The following COPS9 variants were observed in gnomAD, a reference collection of about 807,000 sequenced individuals.
COPS9 encodes COP9 signalosome subunit 9.
In COPS9, 8 loss-of-function variants were observed where a neutral mutation model predicts 7.2. That is an observed-to-expected ratio of 1.11 (90% CI 0.65 to 2.00). The LOEUF is 2.00. COPS9 is among the 30% of genes most tolerant of loss of function. The pLI is 0.00. For missense variants in COPS9, 74 were observed against 77.7 expected, an observed-to-expected ratio of 0.95 and a Z score of 0.18; for synonymous variants, 39 against 28.7, an observed-to-expected ratio of 1.36 and a Z score of -1.14.
downstream of COPS9, among the ~76,000 whole-genome samples, chr2:240,128,547 GC>G (rs1425026356): frequency 6.6e-6 from 1 of 152,186 alleles, no homozygotes; most frequent in Non-Finnish European, 1.5e-5. Context: ...TATCTGGCCG[GC>G]AGCTGAGCCT....
At chr2:240,133,084 A>C (rs1245052775) in intron 2 of COPS9, among the ~76,000 whole-genome samples, 2 of 152,242 alleles carry the variant, frequency 1.3e-5, no homozygotes, top group Non-Finnish European at 2.9e-5. Flanking sequence ...GCAGGGACTC[A>C]GGATGGCAGG....
chr2:240,129,368 G>A (rs1387877731), downstream of COPS9, among the ~76,000 whole-genome samples: 2 of 152,150 alleles, frequency 1.3e-5, no homozygotes, highest in Non-Finnish European at 2.9e-5. Context: ...GTCTCGTTCT[G>A]TTGCCCAGGT....
chr2:240,135,788 T>C, intron 1 of COPS9: 1 of 173,592 alleles, frequency 5.8e-6, no homozygotes, highest in Non-Finnish European at 1.2e-5. Context: ...TTATCCTCGC[T>C]TCCAAGGCAC....
At chr2:240,134,146 C>G in intron 1 of COPS9, 141 bp from the exon 2 acceptor site, 1 of 710,772 alleles carries the variant, frequency 1.4e-6, no homozygotes, top group South Asian at 1.7e-5. Context: ...CATTTTAGTT[C>G]CAGACACAGG....
intron 1 of COPS9, 62 bp from the exon 2 acceptor site, chr2:240,134,067 C>T (rs368987448): frequency 2.8e-4 from 412 of 1,471,306 alleles, no homozygotes; most frequent in Non-Finnish European, 3.7e-4. Context: ...GTGATAAGTG[C>T]ATTGCAGGGC....
chr2:240,135,119 G>A (rs1330126176), intron 1 of COPS9, among the ~76,000 whole-genome samples: 1 of 152,028 alleles, frequency 6.6e-6, no homozygotes, highest in Non-Finnish European at 1.5e-5. Flanking sequence ...GGTAGGGAGA[G>A]AGTCCCTACC....
At chr2:240,126,897 G>A (rs570751044), downstream of COPS9, 375 of 1,614,040 alleles carry the variant, frequency 2.3e-4, 2 homozygotes, top group Middle Eastern at 3.3e-3. Flanking sequence ...GCTCCCAAAC[G>A]CTCTGTCCAA....
chr2:240,136,026 C>T (rs1175397474), intron 1 of COPS9, 196 bp downstream of exon 1: 19 of 896,756 alleles, frequency 2.1e-5, no homozygotes, highest in Non-Finnish European at 2.8e-5. Flanking sequence ...CGCTTCCCGC[C>T]GCGGTCGGTC....
chr2:240,132,119 G>T lies in COPS9; in HGVS notation c.137-1031C>A, dbSNP rs2071929296. 6.6e-6 allele frequency among the ~76,000 whole-genome samples: 1 copy of T among 152,224 alleles called. No individual in the cohort carries two copies. The highest frequency in any genetic ancestry group is 2.4e-5 in the African/African-American group (1 of 41,458). ...CCTCTGCTCTGCTGCCCCCTCTGGA[G>T]AAACCTCCCTCTGCAGTGCTCCCAG... On this transcript the variant is annotated intron_variant, in intron 2 of 2. Coordinates refer to ENST00000607357, the MANE Select transcript of COPS9 (RefSeq NM_001163424.2). The surrounding 1 kb of genome is among the most constrained non-coding windows in gnomAD (Gnocchi z 4.1).
At chr2:240,126,688 C>T (rs202121540), downstream of COPS9, 17 of 1,614,152 alleles carry the variant, frequency 1.1e-5, no homozygotes, top group Middle Eastern at 1.6e-4. Flanking sequence ...GTGCTGTCTT[C>T]GCTGACCTCT....
chr2:240,127,619 T>C (rs1297286907), downstream of COPS9, among the ~76,000 whole-genome samples: 5 of 152,208 alleles, frequency 3.3e-5, no homozygotes, highest in East Asian at 9.7e-4. Flanking sequence ...AGAGCCCTCA[T>C]GAGTGGGATC....
intron 1 of COPS9, among the ~76,000 whole-genome samples, chr2:240,134,569 A>G (rs2071954919): frequency 6.6e-6 from 1 of 152,184 alleles, no homozygotes; most frequent in Admixed American, 6.5e-5. Flanking sequence ...GTTTAGAGTC[A>G]ACCGGTGACA....
downstream of COPS9, chr2:240,126,679 T>C: frequency 6.2e-7 from 1 of 1,614,250 alleles, no homozygotes; most frequent in South Asian, 1.1e-5. Context: ...ACTGATATTG[T>C]GCTGTCTTCG....
chr2:240,135,554 T>C (rs1268313715), intron 1 of COPS9, among the ~76,000 whole-genome samples: 3 of 152,054 alleles, frequency 2.0e-5, no homozygotes, highest in Non-Finnish European at 4.4e-5. Context: ...CTGCTGACCA[T>C]AAACCATCTC....
intron 1 of COPS9, chr2:240,136,005 G>C: frequency 1.4e-6 from 1 of 728,818 alleles, no homozygotes; most frequent in Non-Finnish European, 2.0e-6. Flanking sequence ...GGTCCCCCGG[G>C]CTAGGGCACA....
At chr2:240,128,985 T>A (rs541952080), downstream of COPS9, among the ~76,000 whole-genome samples, 1 of 152,322 alleles carries the variant, frequency 6.6e-6, no homozygotes, top group African/African-American at 2.4e-5. Flanking sequence ...AACCTGAAAT[T>A]CTACGGCCCA....
upstream of COPS9, chr2:240,136,328 G>T (rs1424486128): frequency 1.3e-6 from 2 of 1,520,870 alleles, no homozygotes; most frequent in East Asian, 5.6e-5. Context: ...CCTCAGAGCC[G>T]CTTCCGGCGC....
At chr2:240,129,909 A>G (rs1009442821), downstream of COPS9, 8 of 1,613,274 alleles carry the variant, frequency 5.0e-6, no homozygotes, top group Admixed American at 1.3e-4. Context: ...TGCACTTCTT[A>G]CCTCTTCCGA....
chr2:240,129,943 TC>T, downstream of COPS9: 1 of 1,614,018 alleles, frequency 6.2e-7, no homozygotes, highest in Non-Finnish European at 8.5e-7. Context: ...TCTGCTGCCT[TC>T]CCACGGACCC....
Sources: gnomAD v4.1 joint callset for allele counts (sites outside exome capture counted in the v4.1 genomes callset) on GRCh38, gnomAD v4.1.1 for gene constraint, Gnocchi (gnomAD v3.1) non-coding constraint, MANE v1.5 for transcripts, NCBI Gene and HGNC (gene_info 2026-07-23, HGNC 2026-07-21) for gene names.